The following NGEF variants were observed in gnomAD, a reference collection of about 807,000 sequenced individuals.
The protein encoded by NGEF is ephexin-1.
NGEF carries 31 observed loss-of-function variants against 80.9 expected under a neutral mutation model. That is an observed-to-expected ratio of 0.38 (90% CI 0.29 to 0.52). NGEF has a LOEUF of 0.52. Ranked by LOEUF, NGEF falls within the 20% of genes least tolerant of loss-of-function variation. NGEF has a pLI of 0.84. For missense variants in NGEF, 709 were observed against 926.2 expected, an observed-to-expected ratio of 0.77 and a Z score of 3.04; for synonymous variants, 371 against 370.2, an observed-to-expected ratio of 1.00 and a Z score of -0.03.
At chr2:232,914,777 G>C (rs1692757879) in intron 5 of NGEF, among the ~76,000 whole-genome samples, 1 of 152,090 alleles carries the variant, frequency 6.6e-6, no homozygotes, top group Non-Finnish European at 1.5e-5. Context: ...CCAGCACTTT[G>C]GGAGGCTGAG....
intron 3 of NGEF, among the ~76,000 whole-genome samples, chr2:232,944,327 G>A (rs766051993): frequency 2.0e-5 from 3 of 152,200 alleles, no homozygotes; most frequent in Non-Finnish European, 2.9e-5. Flanking sequence ...TTGCCCTGCA[G>A]ACACACACTC....
In NGEF at chr2:232,885,377, A is replaced by C; in HGVS notation, c.1348-8T>G. ...GTTGCATGCCTTCACCACCTGGGAC[A>C]AGAAGGAGGGCACATCAGGCCACCA... On this transcript the variant is annotated splice_polypyrimidine_tract_variant and splice_region_variant and intron_variant, in intron 9 of 14. Transcript: ENST00000264051. 1 of 1,613,224 alleles carries C rather than the reference A, an allele frequency of 6.2e-7. No homozygotes were observed. Among genetic ancestry groups the C allele is most frequent in the Non-Finnish European group, 8.5e-7 (1 of 1,179,276 alleles).
chr2:232,886,891 C>G (rs563076149), intron 9 of NGEF, among the ~76,000 whole-genome samples: 12 of 152,222 alleles, frequency 7.9e-5, no homozygotes, highest in African/African-American at 2.9e-4. Flanking sequence ...TGCTGCCTGG[C>G]TCACAGGTCG....
chr2:232,939,909 A>G (rs1337366747), intron 3 of NGEF, among the ~76,000 whole-genome samples: 1 of 152,016 alleles, frequency 6.6e-6, no homozygotes, highest in African/African-American at 2.4e-5. Flanking sequence ...AGGCAGGAGA[A>G]TCGCTTGAAC....
chr2:232,898,523 T>G (rs1692168673), intron 5 of NGEF, among the ~76,000 whole-genome samples: 1 of 152,246 alleles, frequency 6.6e-6, no homozygotes, highest in African/African-American at 2.4e-5. Context: ...CCAGGATGTT[T>G]GTCTTCATTT....
intron 5 of NGEF, among the ~76,000 whole-genome samples, chr2:232,896,258 A>C (rs965507953): frequency 6.6e-6 from 1 of 152,190 alleles, no homozygotes; most frequent in South Asian, 2.1e-4. Flanking sequence ...CCAAACCAAT[A>C]ATGGGTGTCT....
intron 5 of NGEF, among the ~76,000 whole-genome samples, chr2:232,898,341 G>T (rs546540035): frequency 6.6e-4 from 101 of 152,280 alleles, no homozygotes; most frequent in African/African-American, 2.4e-3. Flanking sequence ...GGATCTTCTG[G>T]CCGACAGCAT....
chr2:232,906,852 C>T (rs1182622718), intron 5 of NGEF, among the ~76,000 whole-genome samples: 1 of 151,604 alleles, frequency 6.6e-6, no homozygotes, highest in South Asian at 2.1e-4. Context: ...AATTCTTCTG[C>T]CTTGGGATCC....
intron 3 of NGEF, among the ~76,000 whole-genome samples, chr2:232,927,717 C>A (rs933876081): frequency 2.6e-5 from 4 of 151,938 alleles, no homozygotes; most frequent in Non-Finnish European, 5.9e-5. Flanking sequence ...GGGCTCAACA[C>A]CCACCCGATG....
chr2:232,970,304 A>G lies in NGEF; in HGVS notation c.293T>C (p.Val98Ala). The part of the protein sequence containing the change: ...LADSQDNGKS[V>A]NEPLTLNIPW... ...GATATTCAAGGTCAGGGGCTCATTT[A>G]CAGATTTTCCATTGTCCTGTGAATC... Residue 98 changes from valine to alanine, a missense_variant, in exon 3 of 15, where the codon GTA becomes GCA. Around this residue, in one of 2 missense-constraint regions of NGEF, gnomAD observed 283 missense variants for 303.4 expected, o/e 0.93. Coordinates refer to ENST00000264051, the MANE Select transcript of NGEF (RefSeq NM_019850.3). The G allele has an allele frequency of 6.2e-7, 1 of 1,602,278 alleles. No individual in the cohort carries two copies. Among genetic ancestry groups the G allele is most frequent in the Non-Finnish European group, 8.5e-7 (1 of 1,175,784 alleles).
At chr2:232,922,546 A>G (rs1692968124) in intron 4 of NGEF, among the ~76,000 whole-genome samples, 1 of 152,252 alleles carries the variant, frequency 6.6e-6, no homozygotes, top group Non-Finnish European at 1.5e-5. Flanking sequence ...CTGAAGATCT[A>G]TAAAGACAGG....
At position 232,892,540 on chromosome 2, in the gene NGEF, C is replaced by T. The variant is rs896970370; in HGVS notation, c.1142+358G>A. On this transcript the variant is annotated intron_variant, in intron 7 of 14. Transcript: ENST00000264051. The surrounding 1 kb of genome is among the most constrained non-coding windows in gnomAD (Gnocchi z 4.0). ...CTGCCCTTGTCGCTAGTTCAAGCCC[C>T]GTCTCTGATGTCCTGGGCTTTGAAT... Among the ~76,000 whole-genome samples the T allele has an allele frequency of 9.9e-5, 15 of 152,220 alleles. No homozygotes were observed. Among genetic ancestry groups the T allele is most frequent in the African/African-American group, 3.1e-4 (13 of 41,462 alleles).
chr2:233,009,412 C>T (rs773092645), intron 1 of NGEF, among the ~76,000 whole-genome samples: 3 of 152,040 alleles, frequency 2.0e-5, no homozygotes, highest in Non-Finnish European at 4.4e-5. Context: ...CAGGCTGGAT[C>T]TGAATTTGCG....
chr2:232,881,599 CTTTT>C (rs1479102363), intron 13 of NGEF, among the ~76,000 whole-genome samples: 3 of 152,084 alleles, frequency 2.0e-5, no homozygotes, highest in Non-Finnish European at 4.4e-5. Context: ...CTTGTGTTTT[CTTTT>C]TGAGACAGAG....
chr2:232,953,060 T>C lies in NGEF; in HGVS notation c.383+17154A>G, dbSNP rs534703705. Among the ~76,000 whole-genome samples, 1,153 of 149,112 alleles carry C rather than the reference T, an allele frequency of 7.7e-3. 13 individuals are homozygous for C. The highest frequency in any genetic ancestry group is 0.021 in the Middle Eastern group (6 of 282). On this transcript the variant is annotated intron_variant, in intron 3 of 14. Transcript: ENST00000264051. ...GGCTCACGCCTGTAATCCCAGCACT[T>C]TGGGAGGCCAAGGTGGGCAGATCAC...
chr2:232,882,348 G>GC, intron 12 of NGEF, 83 bp from the exon 13 acceptor site: 1 of 1,248,918 alleles, frequency 8.0e-7, no homozygotes, highest in Non-Finnish European at 1.2e-6. Flanking sequence ...CCAGCTAGCT[G>GC]CCCCTCGGAT....
In NGEF at chr2:232,975,535, C is replaced by A. The variant is rs530189030; in HGVS notation, c.-74-571G>T. ...ATAAGGTCCCCCCATCCCATGGCCA[C>A]CCCACCATGGGCTGGAGAAACAGAA... On this transcript the variant is annotated intron_variant, in intron 1 of 14. Transcript: ENST00000264051. 4.8e-4 allele frequency among the ~76,000 whole-genome samples: 73 copies of A among 152,294 alleles called. No individual in the cohort carries two copies. In the South Asian group the frequency reaches 7.0e-3, roughly 15 times the overall value.
chr2:233,011,479 G>T (rs1232544334), intron 1 of NGEF, among the ~76,000 whole-genome samples: 3 of 151,944 alleles, frequency 2.0e-5, no homozygotes, highest in East Asian at 3.9e-4. Flanking sequence ...GGGTGGTTAG[G>T]TTTGGTCTCC....
chr2:232,942,343 C>T (rs918450696), intron 3 of NGEF, among the ~76,000 whole-genome samples: 2 of 152,222 alleles, frequency 1.3e-5, no homozygotes, highest in Non-Finnish European at 2.9e-5. Context: ...CTGTGAGGGG[C>T]AGAGCACCTA....
Sources: gnomAD v4.1 joint callset for allele counts (sites outside exome capture counted in the v4.1 genomes callset) on GRCh38, gnomAD v4.1.1 for gene constraint, gnomAD v4.1.1 regional missense constraint, Gnocchi (gnomAD v3.1) non-coding constraint, MANE v1.5 for transcripts, NCBI Gene and HGNC (gene_info 2026-07-23, HGNC 2026-07-21) for gene names.